Variants in NRXN3 observed in about 807,000 individuals in gnomAD.
The protein encoded by NRXN3 is neurexin 3.
A neutral mutation model predicts 137.6 loss-of-function variants in NRXN3; 32 were observed. The ratio of observed to expected loss-of-function variants is 0.23; its 90% CI spans 0.18 to 0.31. The LOEUF is 0.31. Among genes scored for constraint, NRXN3 ranks in the 10% least tolerant of loss-of-function variants. The probability of loss-of-function intolerance (pLI) is 1.00; values close to 1 mark genes in which losing one functional copy is unlikely to be tolerated. For synonymous variants in NRXN3, 798 were observed against 784.5 expected, an observed-to-expected ratio of 1.02 and a Z score of -0.29; for missense variants, 1,574 against 2,062.5, an observed-to-expected ratio of 0.76 and a Z score of 4.59.
intron 4 of NRXN3, among the ~76,000 whole-genome samples, chr14:78,624,035 A>T (rs2097430882): frequency 6.6e-6 from 1 of 152,242 alleles, no homozygotes; most frequent in Admixed American, 6.5e-5. Context: ...CCCAATGAAC[A>T]TGATGACTTG....
At chr14:79,794,879 ACACACATTGC>A (rs2099156463) in intron 19 of NRXN3, among the ~76,000 whole-genome samples, 1 of 152,240 alleles carries the variant, frequency 6.6e-6, no homozygotes, top group African/African-American at 2.4e-5. Context: ...GGAAGTGGAC[ACACACATTGC>A]ATGTATCTCC....
At chr14:79,803,905 A>ATATATATGTATATATATATATGTGTGTG in intron 19 of NRXN3, among the ~76,000 whole-genome samples, 1 of 140,412 alleles carries the variant, frequency 7.1e-6, no homozygotes, top group South Asian at 2.3e-4. Flanking sequence ...GTGTGTATAT[A>ATATATATGTATATATATATATGTGTGTG]TATATATGTA....
intron 4 of NRXN3, among the ~76,000 whole-genome samples, chr14:78,452,222 A>T (rs988275548): frequency 1.5e-4 from 23 of 152,240 alleles, no homozygotes; most frequent in African/African-American, 5.5e-4. Flanking sequence ...ACTTGGCTCA[A>T]GTCTCAGCTC....
chr14:79,328,218 G>C (rs1185981566), intron 15 of NRXN3, among the ~76,000 whole-genome samples: 1 of 152,136 alleles, frequency 6.6e-6, no homozygotes, highest in African/African-American at 2.4e-5. Flanking sequence ...ATATCACAAA[G>C]GTAAGCATGT....
chr14:78,673,406 C>A (rs1049089271), intron 6 of NRXN3, among the ~76,000 whole-genome samples: 1 of 152,174 alleles, frequency 6.6e-6, no homozygotes, highest in African/African-American at 2.4e-5. Context: ...ACTATTGATG[C>A]CAGCGGTGTC....
rs185444444 is a variant in NRXN3, at chr14:79,782,290, T to G, written c.4015-22822T>G. ...GTTCATTAACCAGAAGTCTATTACT[T>G]TTCCCCTATAGTTTCATGGAGTAAA... On this transcript the variant is annotated intron_variant, in intron 19 of 20. Transcript: ENST00000335750. Among the ~76,000 whole-genome samples, 34 of 152,304 alleles carry G rather than the reference T, an allele frequency of 2.2e-4. 1 individual carries two copies. Among genetic ancestry groups the G allele is most frequent in the Admixed American group, 2.2e-3 (34 of 15,296 alleles).
chr14:78,892,631 A>AGTC (rs1322988467), intron 10 of NRXN3, among the ~76,000 whole-genome samples: 1 of 151,592 alleles, frequency 6.6e-6, no homozygotes, highest in African/African-American at 2.4e-5. Flanking sequence ...GTTGTAAATC[A>AGTC]GTCTTTTCTT....
At chr14:78,248,684 C>G (rs2068105326) in intron 2 of NRXN3, among the ~76,000 whole-genome samples, 1 of 152,084 alleles carries the variant, frequency 6.6e-6, no homozygotes, top group Non-Finnish European at 1.5e-5. Flanking sequence ...TGGCATTGTT[C>G]CCAATCTGTG....
intron 15 of NRXN3, among the ~76,000 whole-genome samples, chr14:79,199,831 A>G (rs537165670): frequency 6.6e-6 from 1 of 152,320 alleles, no homozygotes; most frequent in African/African-American, 2.4e-5. Context: ...GTTCAAGTAG[A>G]AAGGTTTCAA....
intron 16 of NRXN3, among the ~76,000 whole-genome samples, chr14:79,470,940 AAGAGAG>A (rs370918167): frequency 9.9e-5 from 10 of 101,196 alleles, no homozygotes; most frequent in African/African-American, 1.8e-4. Flanking sequence ...GAGAGAGAGA[AAGAGAG>A]AGAGAGTGTG....
chr14:78,782,579 T>C (rs2098773815), intron 8 of NRXN3, among the ~76,000 whole-genome samples: 1 of 152,212 alleles, frequency 6.6e-6, no homozygotes, highest in Non-Finnish European at 1.5e-5. Context: ...CTATGCCTAA[T>C]ATGTGACAGG....
At chr14:79,772,305 G>A (rs2099081231) in intron 19 of NRXN3, among the ~76,000 whole-genome samples, 1 of 151,966 alleles carries the variant, frequency 6.6e-6, no homozygotes, top group South Asian at 2.1e-4. Context: ...CCAAAAAAGA[G>A]CCCGCATCAC....
intron 10 of NRXN3, among the ~76,000 whole-genome samples, chr14:78,844,359 A>G (rs1328191266): frequency 6.6e-6 from 1 of 152,078 alleles, no homozygotes; most frequent in Admixed American, 6.6e-5. Context: ...ATGAGATAAC[A>G]TTTATCCATT....
intron 10 of NRXN3, among the ~76,000 whole-genome samples, chr14:78,871,825 A>G (rs1447160850): frequency 6.6e-6 from 1 of 152,110 alleles, no homozygotes; most frequent in Non-Finnish European, 1.5e-5. Context: ...CACAAAAGCC[A>G]TTCCCATTTA....
At chr14:78,561,615 C>T (rs560478251) in intron 4 of NRXN3, among the ~76,000 whole-genome samples, 3 of 152,190 alleles carry the variant, frequency 2.0e-5, no homozygotes, top group South Asian at 4.2e-4. Flanking sequence ...TCAAACAGGG[C>T]AGTATAGGAA....
At chr14:78,946,911 T>C (rs2099366462) in intron 10 of NRXN3, among the ~76,000 whole-genome samples, 1 of 152,214 alleles carries the variant, frequency 6.6e-6, no homozygotes, top group African/African-American at 2.4e-5. Flanking sequence ...GTTCTAGTTT[T>C]AATTATTTTC....
At chr14:78,618,857 C>T (rs1264048714) in intron 4 of NRXN3, among the ~76,000 whole-genome samples, 1 of 152,130 alleles carries the variant, frequency 6.6e-6, no homozygotes, top group Non-Finnish European at 1.5e-5. Context: ...AATTTTTGTG[C>T]TCCAAATAAA....
rs76350257 is a variant in NRXN3 at position 79,531,148 on chromosome 14, C to T, written c.3444+63746C>T. On this transcript the variant is annotated intron_variant, in intron 16 of 20. Coordinates refer to ENST00000335750, the MANE Select transcript of NRXN3 (RefSeq NM_001330195.2). ...GCTGTACTCATCCTCCTTCCCAATC[C>T]TCTTTGAAGTAGGAAAGTCCCATTG... Among the ~76,000 whole-genome samples the T allele has an allele frequency of 9.7e-3, 1,484 of 152,272 alleles. 62 individuals are homozygous for T. In the East Asian group the frequency reaches 0.13, roughly 13 times the overall value.
chr14:78,592,160 TG>T (rs2097123487), intron 4 of NRXN3, among the ~76,000 whole-genome samples: 1 of 152,150 alleles, frequency 6.6e-6, no homozygotes, highest in Non-Finnish European at 1.5e-5. Context: ...CTTTGCAAAG[TG>T]GGGGCTGAAG....
Sources: allele counts gnomAD v4.1 joint callset (sites outside exome capture counted in the v4.1 genomes callset), GRCh38; gene constraint gnomAD v4.1.1; transcripts MANE v1.5; gene names NCBI Gene and HGNC (gene_info 2026-07-23, HGNC 2026-07-21).